The following FER1L6 variants were observed in gnomAD, a reference collection of about 807,000 sequenced individuals.
FER1L6 encodes the protein fer-1-like protein 6.
FER1L6 carries 177 observed loss-of-function variants against 219.2 expected under a neutral mutation model. The ratio of observed to expected loss-of-function variants is 0.81; its 90% CI spans 0.71 to 0.91. The LOEUF is 0.91. Ranked by LOEUF, FER1L6 falls within the 40% of genes least tolerant of loss-of-function variation. FER1L6 has a pLI of 0.00. For missense variants in FER1L6, 2,153 were observed against 2,259.9 expected (o/e 0.95, Z 0.96); for synonymous variants, 768 against 824.3 (o/e 0.93, Z 1.17).
At chr8:124,097,127 C>G in intron 35 of FER1L6, 144 bp from the exon 36 acceptor site, 1 of 417,694 alleles carries the variant, frequency 2.4e-6, no homozygotes, top group Non-Finnish European at 4.3e-6. Context: ...TCAACAGATA[C>G]GCTAAATATA....
At chr8:124,045,729 T>G in intron 20 of FER1L6, 38 bp from the exon 21 acceptor site, 1 of 1,611,980 alleles carries the variant, frequency 6.2e-7, no homozygotes, top group Middle Eastern at 1.7e-4. Context: ...ATAACTCAAT[T>G]GAATGATCTT....
chr8:123,995,598 T>C (rs1300166622), intron 12 of FER1L6, among the ~76,000 whole-genome samples: 1 of 152,140 alleles, frequency 6.6e-6, no homozygotes, highest in Non-Finnish European at 1.5e-5. Context: ...CAATTTTATC[T>C]TTTCAAAAAA....
chr8:124,035,693 G>C (rs1260123802), intron 19 of FER1L6, among the ~76,000 whole-genome samples: 1 of 152,204 alleles, frequency 6.6e-6, no homozygotes, highest in Non-Finnish European at 1.5e-5. Context: ...TTAATAGAGA[G>C]GAAGTAATTT....
At chr8:124,071,759 C>T in intron 31 of FER1L6, 128 bp downstream of exon 31, 2 of 1,217,660 alleles carry the variant, frequency 1.6e-6, no homozygotes, top group Non-Finnish European at 2.2e-6. Flanking sequence ...TGCCATAAGT[C>T]TATAATCAAG....
intron 19 of FER1L6, chr8:124,036,362 C>T (rs926611428): frequency 1.3e-5 from 2 of 152,142 alleles, no homozygotes; most frequent in African/African-American, 4.8e-5. Context: ...CATATAAATG[C>T]GTAAGAGCAT....
At chr8:123,975,767 G>T in intron 8 of FER1L6, 131 bp from the exon 9 acceptor site, 1 of 725,666 alleles carries the variant, frequency 1.4e-6, no homozygotes, top group Non-Finnish European at 2.2e-6. Context: ...ACTCATTTCA[G>T]CAATGAATCT....
At chr8:124,009,475 G>A (rs16918535) in intron 13 of FER1L6, among the ~76,000 whole-genome samples, 4,690 of 152,018 alleles carry the variant, frequency 0.031, 213 homozygotes, top group East Asian at 0.11. Flanking sequence ...TTGCAGGGTC[G>A]TGGAGCTGAA....
At chr8:124,008,583 T>G (rs749248628) in intron 13 of FER1L6, among the ~76,000 whole-genome samples, 2 of 152,186 alleles carry the variant, frequency 1.3e-5, no homozygotes, top group Non-Finnish European at 2.9e-5. Context: ...AGGCAAAGAT[T>G]GTATGACCAA....
intron 18 of FER1L6, among the ~76,000 whole-genome samples, chr8:124,025,702 T>C (rs1365925635): frequency 6.6e-6 from 1 of 152,196 alleles, no homozygotes; most frequent in Non-Finnish European, 1.5e-5. Context: ...TTTTTTCTAA[T>C]TCTGTAAAAA....
At chr8:123,884,881 G>C (rs1265653787) in intron 1 of FER1L6, among the ~76,000 whole-genome samples, 2 of 152,170 alleles carry the variant, frequency 1.3e-5, no homozygotes, top group Admixed American at 1.3e-4. Context: ...TGACCACCCA[G>C]AGCCTCAGAA....
chr8:124,088,817 AG>A (rs1821894591), intron 33 of FER1L6, among the ~76,000 whole-genome samples: 1 of 151,998 alleles, frequency 6.6e-6, no homozygotes, highest in Non-Finnish European at 1.5e-5. Flanking sequence ...CTTGGAATGG[AG>A]GCCTCAAGAC....
intron 1 of FER1L6, among the ~76,000 whole-genome samples, chr8:123,929,942 T>C (rs1291448752): frequency 6.6e-6 from 1 of 151,146 alleles, no homozygotes; most frequent in Non-Finnish European, 1.5e-5. Flanking sequence ...GTGGCTCTTG[T>C]ACATTTTCCT....
intron 2 of FER1L6, 29 bp downstream of exon 2, chr8:123,956,103 T>A: frequency 1.3e-6 from 2 of 1,591,558 alleles, no homozygotes; most frequent in South Asian, 2.3e-5. Context: ...TGCTGACCAT[T>A]GGGGCCTGAG....
At chr8:124,017,989 G>A (rs1479904005) in intron 16 of FER1L6, among the ~76,000 whole-genome samples, 1 of 152,192 alleles carries the variant, frequency 6.6e-6, no homozygotes, top group African/African-American at 2.4e-5. Context: ...TTCATATTTT[G>A]TTAAAGGCGG....
chr8:124,101,166 C>A lies in FER1L6; in HGVS notation c.4953C>A (p.Gly1651=). The A allele has an allele frequency of 6.2e-7, 1 of 1,613,828 alleles. No homozygotes were observed. The highest frequency in any genetic ancestry group is 8.5e-7 in the Non-Finnish European group (1 of 1,179,938). ...ATTACAACTCCCTGACTGGAGAGGG[C>A]AACTTCAACTGGCGCTTCCTGTTTC... is the stretch of plus-strand genomic sequence containing the variant. ...DVHYNSLTGE[G]NFNWRFLFPF... is the part of the protein sequence containing the mutation. Residue 1651 remains glycine (G), a synonymous_variant, in exon 38 of 41, where the codon GGC becomes GGA. Transcript: ENST00000522917.
At chr8:124,050,015 T>G (rs1301778120) in intron 22 of FER1L6, among the ~76,000 whole-genome samples, 2 of 152,192 alleles carry the variant, frequency 1.3e-5, no homozygotes, top group Non-Finnish European at 2.9e-5. Context: ...AGCAGCCTTG[T>G]GTGCAAATTC....
intron 1 of FER1L6, among the ~76,000 whole-genome samples, chr8:123,949,732 C>G (rs559673358): frequency 3.9e-5 from 6 of 152,240 alleles, no homozygotes; most frequent in Admixed American, 3.9e-4. Context: ...TACAAATGTT[C>G]TGTGGGCAGG....
At chr8:123,918,359 C>T (rs1427687911) in intron 1 of FER1L6, among the ~76,000 whole-genome samples, 1 of 151,658 alleles carries the variant, frequency 6.6e-6, no homozygotes, top group Admixed American at 6.6e-5. Flanking sequence ...GCATGATATT[C>T]CATTGTGTGT....
chr8:123,983,554 A>G (rs972165569), intron 11 of FER1L6, among the ~76,000 whole-genome samples: 6 of 152,196 alleles, frequency 3.9e-5, no homozygotes, highest in Admixed American at 1.3e-4. Flanking sequence ...AAGTGCTGTT[A>G]TTTCCTGGAG....
Sources: allele counts gnomAD v4.1 joint callset (sites outside exome capture counted in the v4.1 genomes callset), GRCh38; gene constraint gnomAD v4.1.1; transcripts MANE v1.5; gene names NCBI Gene and HGNC (gene_info 2026-07-23, HGNC 2026-07-21).